GPHN: variants seen among roughly 807,000 people sequenced by gnomAD.
GPHN encodes the protein gephyrin.
A neutral mutation model predicts 95.5 loss-of-function variants in GPHN; 17 were observed. The observed-to-expected ratio is 0.18, with a 90% confidence interval of 0.12 to 0.27. The LOEUF (loss-of-function observed/expected upper bound fraction) is 0.27, where lower values mean the gene tolerates loss of function less well. GPHN is among the 10% of genes least tolerant of loss of function. GPHN has a pLI of 1.00. For missense variants in GPHN, 660 were observed against 978.1 expected, an observed-to-expected ratio of 0.67 and a Z score of 4.34; for synonymous variants, 320 against 322.5, an observed-to-expected ratio of 0.99 and a Z score of 0.08.
intron 9 of GPHN, among the ~76,000 whole-genome samples, chr14:66,975,952 C>A (rs887386198): frequency 1.3e-5 from 2 of 152,152 alleles, no homozygotes; most frequent in Non-Finnish European, 2.9e-5. Flanking sequence ...TATTAAATAA[C>A]CTCTAAAGTC....
chr14:67,177,584 T>A (rs1055938005), intron 21 of GPHN, among the ~76,000 whole-genome samples: 4 of 152,232 alleles, frequency 2.6e-5, no homozygotes, highest in Non-Finnish European at 4.4e-5. Flanking sequence ...TCTGTAGATG[T>A]CTATTAGGTC....
intron 9 of GPHN, among the ~76,000 whole-genome samples, chr14:66,965,957 T>C (rs1221681250): frequency 2.6e-5 from 4 of 152,198 alleles, no homozygotes. Flanking sequence ...CACATCTTTG[T>C]ATACATGATA....
intron 1 of GPHN, among the ~76,000 whole-genome samples, chr14:66,574,222 ACT>A (rs1434563958): frequency 6.6e-6 from 1 of 152,008 alleles, no homozygotes; most frequent in African/African-American, 2.4e-5. Context: ...ACATCTTGTC[ACT>A]CTAACAGATT....
At chr14:67,700,319 C>T in the GPHN span, among the ~76,000 whole-genome samples, 2 of 151,994 alleles carry the variant, frequency 1.3e-5, no homozygotes, top group African/African-American at 2.4e-5. Context: ...CGAGAAAAGC[C>T]AAGACTACAG....
the GPHN span, among the ~76,000 whole-genome samples, chr14:67,510,599 C>T: frequency 0.026 from 4,007 of 152,270 alleles, 77 homozygotes; most frequent in Middle Eastern, 0.1. Flanking sequence ...AATCTGGAAC[C>T]GCTGCTTGTG....
At chr14:66,677,853 A>G (rs539726543) in intron 1 of GPHN, among the ~76,000 whole-genome samples, 1 of 152,132 alleles carries the variant, frequency 6.6e-6, no homozygotes, top group Non-Finnish European at 1.5e-5. Context: ...TTGAAGGATA[A>G]CTTTGTTGGG....
intron 10 of GPHN, among the ~76,000 whole-genome samples, chr14:67,034,007 C>A (rs548898985): frequency 2.0e-5 from 3 of 152,254 alleles, no homozygotes; most frequent in African/African-American, 7.2e-5. Context: ...GAAAGACTTT[C>A]CCGGGCAAAC....
chr14:66,715,574 T>A (rs962355264), intron 2 of GPHN, among the ~76,000 whole-genome samples: 8 of 152,206 alleles, frequency 5.3e-5, no homozygotes, highest in Admixed American at 6.5e-5. Flanking sequence ...GACATGAGAT[T>A]GTCAGTTTGT....
the GPHN span, chr14:67,223,619 G>C: frequency 1.7e-6 from 1 of 602,990 alleles, no homozygotes; most frequent in East Asian, 1.4e-4. Flanking sequence ...AAATCACAAG[G>C]GTGGCACAAC....
the GPHN span, among the ~76,000 whole-genome samples, chr14:67,532,322 C>T: frequency 6.6e-6 from 1 of 152,202 alleles, no homozygotes; most frequent in Admixed American, 6.5e-5. Context: ...TGCTTCTGTT[C>T]AGTCCTTCAC....
chr14:67,727,523 C>T, the GPHN span: 1 of 335,544 alleles, frequency 3.0e-6, no homozygotes, highest in Non-Finnish European at 5.7e-6. Flanking sequence ...GCTCTTGTCG[C>T]CCAGGCTGGA....
chr14:66,987,013 T>C (rs970170022), intron 9 of GPHN, among the ~76,000 whole-genome samples: 1 of 152,172 alleles, frequency 6.6e-6, no homozygotes, highest in Non-Finnish European at 1.5e-5. Context: ...CACTGCTTTA[T>C]AGTGGATAGC....
chr14:67,151,536 A>C (rs967379531), intron 18 of GPHN, among the ~76,000 whole-genome samples: 1 of 152,260 alleles, frequency 6.6e-6, no homozygotes, highest in Non-Finnish European at 1.5e-5. Flanking sequence ...AACCAAAATG[A>C]ATACGGAGGC....
chr14:66,904,992 T>A (rs1287101480), intron 5 of GPHN, among the ~76,000 whole-genome samples: 3 of 152,184 alleles, frequency 2.0e-5, no homozygotes, highest in Non-Finnish European at 4.4e-5. Context: ...CTATTATTAT[T>A]TCTTTGAATA....
chr14:67,224,772 T>C, the GPHN span: 1 of 248,986 alleles, frequency 4.0e-6, no homozygotes, highest in Non-Finnish European at 7.8e-6. Flanking sequence ...CTTCCTACCC[T>C]TACCCATCTT....
At chr14:66,918,042 C>A (rs1202407932) in intron 6 of GPHN, among the ~76,000 whole-genome samples, 1 of 152,142 alleles carries the variant, frequency 6.6e-6, no homozygotes, top group Non-Finnish European at 1.5e-5. Context: ...TCAGGAGATC[C>A]TAAAATGACC....
chr14:66,822,382 G>C (rs914645846), intron 3 of GPHN, among the ~76,000 whole-genome samples: 3 of 152,062 alleles, frequency 2.0e-5, no homozygotes, highest in African/African-American at 4.8e-5. Flanking sequence ...GAATTACCTG[G>C]GAAGCTTTTA....
the GPHN span, among the ~76,000 whole-genome samples, chr14:67,519,689 C>T: frequency 6.6e-6 from 1 of 151,530 alleles, no homozygotes; most frequent in East Asian, 1.9e-4. Context: ...GGAATTTGTA[C>T]CTGACTCAGT....
intron 3 of GPHN, among the ~76,000 whole-genome samples, chr14:66,806,975 G>C (rs2060569316): frequency 6.6e-6 from 1 of 152,052 alleles, no homozygotes; most frequent in Non-Finnish European, 1.5e-5. Flanking sequence ...GAATTAGTCT[G>C]TTTTCACACT....
Sources: allele counts gnomAD v4.1 joint callset (sites outside exome capture counted in the v4.1 genomes callset), GRCh38; gene constraint gnomAD v4.1.1; transcripts MANE v1.5; gene names NCBI Gene and HGNC (gene_info 2026-07-23, HGNC 2026-07-21).